Variants in ATRNL1 observed in about 807,000 individuals in gnomAD.
ATRNL1 encodes the protein attractin like 1, also known as attractin-like protein 1.
ATRNL1 carries 95 observed loss-of-function variants against 182.7 expected under a neutral mutation model. That is an observed-to-expected ratio of 0.52 (90% CI 0.44 to 0.62). The LOEUF is 0.62. ATRNL1 is among the 20% of genes least tolerant of loss of function. ATRNL1 has a pLI of 0.00. For missense variants in ATRNL1, 1,471 were observed against 1,679.5 expected (o/e 0.88, Z 2.17); for synonymous variants, 576 against 568.3 (o/e 1.01, Z -0.19).
chr10:115,595,420 T>A (rs953440798), intron 26 of ATRNL1, among the ~76,000 whole-genome samples: 1 of 152,212 alleles, frequency 6.6e-6, no homozygotes, highest in South Asian at 2.1e-4. Context: ...TATTAACTAG[T>A]GAAAATAGTT....
intron 9 of ATRNL1, among the ~76,000 whole-genome samples, chr10:115,239,307 G>A (rs370729740): frequency 9.9e-5 from 15 of 151,708 alleles, no homozygotes; most frequent in South Asian, 4.2e-4. Flanking sequence ...ATCTCAGCTC[G>A]CTGGAACCTC....
At chr10:115,490,540 C>T (rs185833383) in intron 24 of ATRNL1, among the ~76,000 whole-genome samples, 469 of 152,158 alleles carry the variant, frequency 3.1e-3, no homozygotes, top group Non-Finnish European at 3.2e-3. Context: ...GTATGCCTCA[C>T]GAAGTTCTTG....
At chr10:115,135,842 G>A (rs115464233) in intron 5 of ATRNL1, among the ~76,000 whole-genome samples, 1 of 151,702 alleles carries the variant, frequency 6.6e-6, no homozygotes, top group African/African-American at 2.4e-5. Context: ...CTGGTCTTGT[G>A]TGTCATTTTT....
intron 26 of ATRNL1, among the ~76,000 whole-genome samples, chr10:115,620,846 A>C (rs930317452): frequency 2.6e-5 from 4 of 152,330 alleles, no homozygotes; most frequent in Middle Eastern, 3.4e-3. Flanking sequence ...AGAATTTTAG[A>C]CATGAGACAT....
chr10:115,594,081 A>G (rs1449586667), intron 26 of ATRNL1, among the ~76,000 whole-genome samples: 2 of 152,024 alleles, frequency 1.3e-5, no homozygotes, highest in African/African-American at 2.4e-5. Context: ...TATTTCTTTT[A>G]TTGATTCAGA....
chr10:115,127,721 C>A lies in ATRNL1; in HGVS notation c.620C>A (p.Ser207Ter). Reference sequence around the variant, plus strand: ...CTAACTGGTTTCAACATTTTCTATTCGTAAGTATTTTTTAAAAATTCCTTC... The same window carrying A: ...CTAACTGGTTTCAACATTTTCTATTAGTAAGTATTTTTTAAAAATTCCTTC... ...YNLTGFNIFY[S>*]INSCPNNCSG... The change falls in exon 4 of 29, where the codon TCA (serine) becomes TAA (stop). Residue 207 changes from serine (S) to a stop codon, truncating the protein, a stop_gained and splice_region_variant. Transcript: ENST00000355044. LOFTEE classifies it high-confidence loss of function. 7.1e-7 allele frequency: 1 copy of A among 1,415,430 alleles called. No individual in the cohort carries two copies. Among genetic ancestry groups the A allele is most frequent in the Non-Finnish European group, 9.3e-7 (1 of 1,076,490 alleles). 87.7% of individuals were successfully genotyped at this position (1,415,430 alleles called of 1,614,324 possible). A position where few individuals can be genotyped will look rare whatever the true frequency, so the allele number is the denominator to read the frequency against.
At chr10:115,863,065 T>C (rs1305022215) in intron 28 of ATRNL1, among the ~76,000 whole-genome samples, 1 of 152,130 alleles carries the variant, frequency 6.6e-6, no homozygotes, top group Non-Finnish European at 1.5e-5. Context: ...AACAAGACTG[T>C]TTACCTACAG....
chr10:115,328,019 T>C (rs1327339979), intron 18 of ATRNL1, among the ~76,000 whole-genome samples: 1 of 152,152 alleles, frequency 6.6e-6, no homozygotes, highest in East Asian at 1.9e-4. Context: ...CGCACCAGCA[T>C]GGCACATGTA....
intron 27 of ATRNL1, among the ~76,000 whole-genome samples, chr10:115,796,981 C>CAT (rs1949669228): frequency 6.6e-6 from 1 of 151,964 alleles, no homozygotes; most frequent in African/African-American, 2.4e-5. Flanking sequence ...AATTAGTTTC[C>CAT]ATATAGTTTC....
At chr10:115,232,074 C>A (rs1306145747) in intron 9 of ATRNL1, among the ~76,000 whole-genome samples, 1 of 152,020 alleles carries the variant, frequency 6.6e-6, no homozygotes, top group Non-Finnish European at 1.5e-5. Context: ...GCAATTGTAG[C>A]AAAAATATTC....
intron 27 of ATRNL1, among the ~76,000 whole-genome samples, chr10:115,807,897 G>A (rs1555085995): frequency 6.6e-6 from 1 of 152,098 alleles, no homozygotes; most frequent in Non-Finnish European, 1.5e-5. Context: ...TTGTTACTAG[G>A]ACTGCCTTAT....
chr10:115,584,502 A>C (rs1401335151), intron 26 of ATRNL1, among the ~76,000 whole-genome samples: 1 of 140,938 alleles, frequency 7.1e-6, no homozygotes, highest in Non-Finnish European at 1.6e-5. Context: ...CGAGGAATTT[A>C]TCCATTTCTT....
At chr10:115,928,496 A>G (rs546845065) in intron 28 of ATRNL1, among the ~76,000 whole-genome samples, 2 of 152,154 alleles carry the variant, frequency 1.3e-5, no homozygotes, top group Admixed American at 6.5e-5. Context: ...GTAATTGTCT[A>G]TAGTGAAGCT....
At chr10:115,686,282 C>T (rs1946217053) in intron 26 of ATRNL1, among the ~76,000 whole-genome samples, 1 of 151,928 alleles carries the variant, frequency 6.6e-6, no homozygotes, top group Non-Finnish European at 1.5e-5. Flanking sequence ...AGAAAGAAAA[C>T]AGTACAATAC....
At chr10:115,487,852 T>C (rs1849101388) in intron 24 of ATRNL1, among the ~76,000 whole-genome samples, 1 of 152,200 alleles carries the variant, frequency 6.6e-6, no homozygotes, top group African/African-American at 2.4e-5. Flanking sequence ...TTCAGTATGA[T>C]ATTGGCTGTG....
chr10:115,799,543 T>C (rs1949742000), intron 27 of ATRNL1, among the ~76,000 whole-genome samples: 1 of 152,178 alleles, frequency 6.6e-6, no homozygotes, highest in South Asian at 2.1e-4. Flanking sequence ...AACGAAGAGA[T>C]TCCTGGAATC....
intron 26 of ATRNL1, among the ~76,000 whole-genome samples, chr10:115,590,344 C>A (rs1457968748): frequency 3.9e-5 from 6 of 151,996 alleles, no homozygotes; most frequent in Admixed American, 3.9e-4. Context: ...CTTAAAAGTT[C>A]TTTTCTTTGG....
chr10:115,466,494 C>G (rs1565074056), intron 22 of ATRNL1, among the ~76,000 whole-genome samples: 1 of 151,060 alleles, frequency 6.6e-6, no homozygotes, highest in East Asian at 1.9e-4. Context: ...GTAAGAAAAT[C>G]ACAAAAAACA....
intron 25 of ATRNL1, among the ~76,000 whole-genome samples, chr10:115,548,024 G>T (rs1435857013): frequency 6.6e-6 from 1 of 152,150 alleles, no homozygotes; most frequent in Non-Finnish European, 1.5e-5. Context: ...TGGATAGTGG[G>T]CACACTTAGA....
Sources: allele counts gnomAD v4.1 joint callset (sites outside exome capture counted in the v4.1 genomes callset), GRCh38; gene constraint gnomAD v4.1.1; transcripts MANE v1.5; gene names NCBI Gene and HGNC (gene_info 2026-07-23, HGNC 2026-07-21).